CAPN7: variants seen among roughly 807,000 people sequenced by gnomAD.
CAPN7 encodes the protein calpain 7.
Under a neutral mutation model 115.2 loss-of-function variants are expected in CAPN7, and 72 were observed. The observed-to-expected ratio is 0.63, with a 90% CI of 0.52 to 0.76. CAPN7 has a LOEUF of 0.76. Ranked by LOEUF, CAPN7 falls within the 30% of genes least tolerant of loss-of-function variation. The pLI is 0.00. For synonymous variants in CAPN7, 344 were observed against 322.3 expected (o/e 1.07, Z -0.72); for missense variants, 905 against 971.5 (o/e 0.93, Z 0.91).
At chr3:15,238,590 G>A (rs759091359) in intron 12 of CAPN7, among the ~76,000 whole-genome samples, 103 of 152,158 alleles carry the variant, frequency 6.8e-4, no homozygotes, top group Non-Finnish European at 1.1e-3. Flanking sequence ...GCATAAAAGT[G>A]CTATCATTTT....
rs1369298813 is a variant in CAPN7, at chr3:15,240,362, A to G, written c.1408-111A>G. 3.0e-6 allele frequency: 3 copies of G among 986,936 alleles called. No homozygotes were observed. The African/African-American group carries it at 5.0e-5, about 16-fold the overall frequency. 61.1% of individuals were successfully genotyped at this position (986,936 alleles called of 1,614,324 possible). On this transcript the variant is annotated intron_variant, in intron 12 of 20. Transcript: ENST00000253693. Reference sequence around the variant, plus strand: ...TGTTAAAAATATTAATTTCAAGTTGATTTGAGGGGAAAAGAATTGATAAGT... The same window carrying G: ...TGTTAAAAATATTAATTTCAAGTTGGTTTGAGGGGAAAAGAATTGATAAGT...
At chr3:15,221,485 GC>G (rs1410673076) in intron 5 of CAPN7, among the ~76,000 whole-genome samples, 8 of 151,380 alleles carry the variant, frequency 5.3e-5, no homozygotes, top group African/African-American at 1.9e-4. Flanking sequence ...GAGCCACTGT[GC>G]CCGGCTTTAG....
chr3:15,208,453 A>ATTTTTTT (rs1218217326), intron 1 of CAPN7, among the ~76,000 whole-genome samples: 3 of 126,154 alleles, frequency 2.4e-5, no homozygotes, highest in African/African-American at 6.0e-5. Context: ...CACTTGGCTA[A>ATTTTTTT]TTTTTTTTTT....
chr3:15,220,678 A>T, intron 4 of CAPN7, 103 bp from the exon 5 acceptor site: 1 of 899,996 alleles, frequency 1.1e-6, no homozygotes, highest in Non-Finnish European at 1.7e-6. Flanking sequence ...TACTAATTTT[A>T]CATTAGGGAT....
At chr3:15,233,694 A>T (rs1287018157) in intron 10 of CAPN7, among the ~76,000 whole-genome samples, 173 bp from the exon 11 acceptor site, 4 of 152,216 alleles carry the variant, frequency 2.6e-5, no homozygotes, top group Admixed American at 2.6e-4. Context: ...GCATGTTCAA[A>T]TTCAGTTAGG....
chr3:15,242,173 T>C lies in CAPN7; in HGVS notation c.1789-5T>C. On this transcript the variant is annotated splice_polypyrimidine_tract_variant and splice_region_variant and intron_variant, in intron 15 of 20. Coordinates refer to ENST00000253693, the MANE Select transcript of CAPN7 (RefSeq NM_014296.3). The stretch of plus-strand genomic sequence containing the variant: ...CTAACCACATTGGATTCTTTGTGAT[T>C]TTAGGATGATTTTGCGAATAATCGA... 6.3e-7 allele frequency: 1 copy of C among 1,590,632 alleles called. No homozygotes were observed. The highest frequency in any genetic ancestry group is 2.3e-5 in the East Asian group (1 of 44,402).
Position 15,246,722 on chromosome 3 carries a change from T to A in CAPN7, c.2011-10T>A, listed in dbSNP as rs769814673. ...TAAAATTTATCAATACAGTCTTTTT[T>A]TAAATCTAGGTATATTCAGCATGCA... On this transcript the variant is annotated splice_polypyrimidine_tract_variant and intron_variant, in intron 17 of 20. Transcript: ENST00000253693. 1 of 1,577,204 alleles carries A rather than the reference T, an allele frequency of 6.3e-7. No individual in the cohort carries two copies. The highest frequency in any genetic ancestry group is 8.7e-7 in the Non-Finnish European group (1 of 1,148,294).
chr3:15,248,381 T>TA (rs1282310534), intron 19 of CAPN7, among the ~76,000 whole-genome samples: 3 of 152,122 alleles, frequency 2.0e-5, no homozygotes, highest in Admixed American at 2.0e-4. Flanking sequence ...GGATAAGTCT[T>TA]AAAAAGCCAC....
chr3:15,242,054 A>G (rs1239693365), intron 15 of CAPN7, 124 bp from the exon 16 acceptor site: 24 of 677,988 alleles, frequency 3.5e-5, no homozygotes, highest in Middle Eastern at 2.4e-4. Context: ...GCTGAAAACA[A>G]TGCTCTTAAA....
intron 1 of CAPN7, among the ~76,000 whole-genome samples, chr3:15,208,453 A>ATTTTTTTTTT (rs1218217326): frequency 2.4e-5 from 3 of 126,156 alleles, no homozygotes; most frequent in Non-Finnish European, 3.4e-5. Context: ...CACTTGGCTA[A>ATTTTTTTTTT]TTTTTTTTTT....
At chr3:15,214,829 T>C (rs1446871200) in intron 2 of CAPN7, among the ~76,000 whole-genome samples, 3 of 152,232 alleles carry the variant, frequency 2.0e-5, no homozygotes, top group African/African-American at 7.2e-5. Flanking sequence ...TTAGACTAGA[T>C]CAATGGGTCT....
chr3:15,239,586 T>C lies in CAPN7; in HGVS notation c.1408-887T>C, dbSNP rs571164115. 1.2e-4 allele frequency among the ~76,000 whole-genome samples: 18 copies of C among 152,322 alleles called. 1 individual carries two copies. Among genetic ancestry groups the C allele is most frequent in the Admixed American group, 6.5e-4 (10 of 15,294 alleles). The stretch of plus-strand genomic sequence containing the variant: ...ACAGTATAAGATAGGATACTATTTG[T>C]TTTAAACTAATGTAATACAGATTGC... On this transcript the variant is annotated intron_variant, in intron 12 of 20. Coordinates refer to ENST00000253693, the MANE Select transcript of CAPN7 (RefSeq NM_014296.3).
In CAPN7 at chr3:15,251,264, A is replaced by G. The variant is rs377025746; in HGVS notation, c.*4A>G. 3.2e-6 allele frequency: 5 copies of G among 1,577,170 alleles called. No individual in the cohort carries two copies. Among genetic ancestry groups the G allele is most frequent in the Non-Finnish European group, 4.3e-6 (5 of 1,168,484 alleles). ...CAAGATCACACAACTTCAGTGATGG[A>G]GAAATCTCAAGTTACTGGCTTTTAT... On this transcript the variant is annotated 3_prime_UTR_variant, in exon 21 of 21. Coordinates refer to ENST00000253693, the MANE Select transcript of CAPN7 (RefSeq NM_014296.3).
At chr3:15,224,997 T>G (rs949108394) in intron 6 of CAPN7, among the ~76,000 whole-genome samples, 3 of 152,212 alleles carry the variant, frequency 2.0e-5, no homozygotes, top group Non-Finnish European at 4.4e-5. Flanking sequence ...GACTTTCTGG[T>G]CTCAAACCTT....
chr3:15,241,417 T>A (rs1322323613), intron 14 of CAPN7, 36 bp from the exon 15 acceptor site: 3 of 1,599,592 alleles, frequency 1.9e-6, no homozygotes, highest in Non-Finnish European at 1.7e-6. Context: ...TATGAGAAAT[T>A]TAATTACAAC....
At chr3:15,234,104 T>C in intron 11 of CAPN7, 131 bp downstream of exon 11, 3 of 537,262 alleles carry the variant, frequency 5.6e-6, no homozygotes, top group Non-Finnish European at 9.8e-6. Context: ...TGACCTGAGT[T>C]TGGGAGTTGG....
intron 4 of CAPN7, among the ~76,000 whole-genome samples, chr3:15,220,210 AT>A (rs1439568337): frequency 1.3e-5 from 2 of 152,114 alleles, no homozygotes; most frequent in Admixed American, 1.3e-4. Context: ...AAAAAAAAAA[AT>A]AAAAAATTTA....
rs558071317 is a variant in CAPN7 at position 15,228,370 on chromosome 3, T to C, written c.852+405T>C. On this transcript the variant is annotated intron_variant, in intron 7 of 20. Coordinates refer to ENST00000253693, the MANE Select transcript of CAPN7 (RefSeq NM_014296.3). ...AATGTGTGAGTCAGCAGTATGGTGTTTCTATTTGTTACTTTCCTATTCAAA... is the reference window on the plus strand; with the variant it reads ...AATGTGTGAGTCAGCAGTATGGTGTCTCTATTTGTTACTTTCCTATTCAAA... Among the ~76,000 whole-genome samples, 5 of 152,364 alleles carry C rather than the reference T, an allele frequency of 3.3e-5. No individual in the cohort carries two copies. The South Asian group carries it at 6.2e-4, about 19-fold the overall frequency.
chr3:15,250,302 G>A (rs1301237943), intron 19 of CAPN7, among the ~76,000 whole-genome samples: 2 of 152,022 alleles, frequency 1.3e-5, no homozygotes, highest in African/African-American at 4.8e-5. Context: ...CCGAGTCCAG[G>A]AGGGCAAGGC....
Sources: gnomAD v4.1 joint callset for allele counts (sites outside exome capture counted in the v4.1 genomes callset) on GRCh38, gnomAD v4.1.1 for gene constraint, MANE v1.5 for transcripts, NCBI Gene and HGNC (gene_info 2026-07-23, HGNC 2026-07-21) for gene names.